CELF1: variants seen among roughly 807,000 people sequenced by gnomAD.
CELF1 encodes 50 kDa nuclear polyadenylated RNA-binding protein.
Under a neutral mutation model 61.8 loss-of-function variants are expected in CELF1, and 10 were observed. That is an observed-to-expected ratio of 0.16 (90% CI 0.10 to 0.27). The LOEUF is 0.27. Among genes scored for constraint, CELF1 ranks in the 10% least tolerant of loss-of-function variants. The probability of loss-of-function intolerance (pLI) is 1.00; values close to 1 mark genes in which losing one functional copy is unlikely to be tolerated. For synonymous variants in CELF1, 236 were observed against 225.1 expected (o/e 1.05, Z -0.43); for missense variants, 380 against 639.1 (o/e 0.59, Z 4.37).
intron 1 of CELF1, among the ~76,000 whole-genome samples, chr11:47,534,497 C>T (rs1009040856): frequency 2.0e-5 from 3 of 151,922 alleles, no homozygotes; most frequent in African/African-American, 7.2e-5. Context: ...GAGGCCAAGG[C>T]AGACAGATCA....
At chr11:47,529,961 T>G (rs1398683482) in intron 1 of CELF1, among the ~76,000 whole-genome samples, 1 of 152,186 alleles carries the variant, frequency 6.6e-6, no homozygotes, top group African/African-American at 2.4e-5. Flanking sequence ...GCTATTGCCT[T>G]ATGCCTCAGT....
chr11:47,527,100 A>C (rs574301182), intron 1 of CELF1, among the ~76,000 whole-genome samples: 65 of 151,826 alleles, frequency 4.3e-4, no homozygotes, highest in African/African-American at 1.5e-3. Context: ...GCTCCTATCC[A>C]TTACTGAGTA....
chr11:47,526,559 T>A (rs576772096), intron 1 of CELF1, among the ~76,000 whole-genome samples: 16 of 152,254 alleles, frequency 1.1e-4, no homozygotes, highest in Non-Finnish European at 2.1e-4. Context: ...TAACTCAGCA[T>A]CCACTGTAAC....
intron 1 of CELF1, among the ~76,000 whole-genome samples, chr11:47,525,353 T>C (rs1459314033): frequency 6.6e-6 from 1 of 152,222 alleles, no homozygotes; most frequent in Admixed American, 6.5e-5. Context: ...CAATGTGAAG[T>C]ATGTGAAAAG....
chr11:47,560,393 G>A (rs534664753), intron 2 of CELF1, among the ~76,000 whole-genome samples: 13 of 152,134 alleles, frequency 8.5e-5, no homozygotes, highest in Non-Finnish European at 1.9e-4. Flanking sequence ...CAGCCTGGGT[G>A]ACAGAGTGAG....
At chr11:47,545,022 C>T (rs1410174099) in intron 1 of CELF1, among the ~76,000 whole-genome samples, 1 of 151,944 alleles carries the variant, frequency 6.6e-6, no homozygotes, top group Non-Finnish European at 1.5e-5. Flanking sequence ...GTGGCTCATG[C>T]CTGTAATCAC....
chr11:47,543,083 C>G (rs2096850134), intron 1 of CELF1, among the ~76,000 whole-genome samples: 1 of 151,966 alleles, frequency 6.6e-6, no homozygotes, highest in Admixed American at 6.6e-5. Flanking sequence ...GCACTCAAGT[C>G]TGGGCAACAA....
At chr11:47,499,167 T>C (rs1316779345) in intron 3 of CELF1, among the ~76,000 whole-genome samples, 1 of 152,108 alleles carries the variant, frequency 6.6e-6, no homozygotes, top group African/African-American at 2.4e-5. Flanking sequence ...ATCTATCATA[T>C]AGGAAAACAC....
Position 47,473,260 on chromosome 11 carries a change from A to G in CELF1, c.1274-29T>C, listed in dbSNP as rs1470884349. 5.0e-6 allele frequency: 8 copies of G among 1,606,956 alleles called. 1 individual carries two copies. The highest frequency in any genetic ancestry group is 4.4e-5 in the South Asian group (4 of 90,052). On this transcript the variant is annotated intron_variant, in intron 13 of 14. Coordinates refer to ENST00000687097, the MANE Select transcript of CELF1 (RefSeq NM_001376376.1). ...CAAAATACCCAGGAATTGGAAAAGT[A>G]TCAGTGTCAAACATGCTCGTCGCCC...
chr11:47,521,477 G>C (rs1425450020), intron 1 of CELF1, among the ~76,000 whole-genome samples: 1 of 152,152 alleles, frequency 6.6e-6, no homozygotes, highest in Non-Finnish European at 1.5e-5. Context: ...TCATACCACT[G>C]CTTTCTAATC....
rs1596183658 is a variant in CELF1, at chr11:47,477,634, C to A, written c.845-209G>T. On this transcript the variant is annotated intron_variant, in intron 10 of 14. Transcript: ENST00000687097. ...AATCATTTCCTCAGAGAAGAGATGGCTAATCCAATAGCATACCATGCCAAG... is the reference window on the plus strand; with the variant it reads ...AATCATTTCCTCAGAGAAGAGATGGATAATCCAATAGCATACCATGCCAAG... 1.2e-5 allele frequency: 6 copies of A among 505,106 alleles called. No homozygotes were observed. The East Asian group carries it at 2.0e-4, about 17-fold the overall frequency. The allele number at this position is 505,106 out of a possible 1,614,324, so 31.3% of individuals were successfully genotyped here.
At chr11:47,543,121 A>G (rs1269547012) in intron 1 of CELF1, among the ~76,000 whole-genome samples, 1 of 151,104 alleles carries the variant, frequency 6.6e-6, no homozygotes, top group Admixed American at 6.6e-5. Context: ...AATGGAAAAG[A>G]AGGCCAGCAT....
chr11:47,544,216 C>A (rs2096877472), intron 1 of CELF1, among the ~76,000 whole-genome samples: 2 of 152,184 alleles, frequency 1.3e-5, no homozygotes, highest in Non-Finnish European at 2.9e-5. Flanking sequence ...CTATGTATGG[C>A]ACTCCTAGGC....
chr11:47,536,950 A>C (rs2153708214), intron 1 of CELF1, among the ~76,000 whole-genome samples: 1 of 152,304 alleles, frequency 6.6e-6, no homozygotes, highest in East Asian at 1.9e-4. Context: ...GTTTAATATC[A>C]AACAGCCTAG....
chr11:47,560,387 C>T (rs561970637), intron 2 of CELF1, among the ~76,000 whole-genome samples: 1 of 152,278 alleles, frequency 6.6e-6, no homozygotes, highest in South Asian at 2.1e-4. Flanking sequence ...GCACTCCAGC[C>T]TGGGTGACAG....
At chr11:47,518,509 A>G (rs2095678602) in intron 1 of CELF1, among the ~76,000 whole-genome samples, 1 of 152,220 alleles carries the variant, frequency 6.6e-6, no homozygotes, top group Non-Finnish European at 1.5e-5. Flanking sequence ...GTTTAAACAG[A>G]AAAACCCTAC....
intron 4 of CELF1, 61 bp downstream of exon 4, chr11:47,488,776 C>A: frequency 1.5e-6 from 2 of 1,305,158 alleles, no homozygotes; most frequent in African/African-American, 3.0e-5. Context: ...AAACCCAAAG[C>A]CCTCACCTGC....
At chr11:47,516,653 T>G (rs1003958466) in intron 1 of CELF1, among the ~76,000 whole-genome samples, 3 of 151,524 alleles carry the variant, frequency 2.0e-5, no homozygotes, top group Non-Finnish European at 2.9e-5. Context: ...TAGGCTGGAG[T>G]GCAGTGGCAT....
At chr11:47,500,794 T>C (rs1236472256) in intron 2 of CELF1, 67 bp downstream of exon 2, 2 of 397,676 alleles carry the variant, frequency 5.0e-6, no homozygotes, top group East Asian at 3.6e-5. Context: ...GACTCTAAAA[T>C]GTTATCTCTG....
Sources: gnomAD v4.1 joint callset for allele counts (sites outside exome capture counted in the v4.1 genomes callset) on GRCh38, gnomAD v4.1.1 for gene constraint, MANE v1.5 for transcripts, NCBI Gene and HGNC (gene_info 2026-07-23, HGNC 2026-07-21) for gene names.